Variants in RGS3 observed in about 807,000 individuals in gnomAD.
RGS3 encodes regulator of G protein signaling 3.
In RGS3, 80 loss-of-function variants were observed where a neutral mutation model predicts 132.6. The ratio of observed to expected loss-of-function variants is 0.60; its 90% CI spans 0.50 to 0.73. The LOEUF is 0.73. Among genes scored for constraint, RGS3 ranks in the 30% least tolerant of loss-of-function variants. The pLI is 0.00. For synonymous variants in RGS3, 598 were observed against 620.6 expected, an observed-to-expected ratio of 0.96 and a Z score of 0.54; for missense variants, 1,382 against 1,530.8, an observed-to-expected ratio of 0.90 and a Z score of 1.62.
chr9:113,474,001 GGAGTTTTATTTTA>G (rs1829916031), intron 3 of RGS3, among the ~76,000 whole-genome samples: 1 of 152,144 alleles, frequency 6.6e-6, no homozygotes, highest in Non-Finnish European at 1.5e-5. Flanking sequence ...AGTAGATTCA[GGAGTTTTATTTTA>G]CCAGCTTGCC....
At chr9:113,559,673 C>T (rs1256873946) in intron 19 of RGS3, among the ~76,000 whole-genome samples, 1 of 152,158 alleles carries the variant, frequency 6.6e-6, no homozygotes, top group Non-Finnish European at 1.5e-5. Context: ...GGCCTGGGAG[C>T]CATGCTGCCT....
intron 17 of RGS3, among the ~76,000 whole-genome samples, chr9:113,524,541 A>G (rs1470447521): frequency 1.3e-5 from 2 of 152,178 alleles, no homozygotes; most frequent in East Asian, 3.9e-4. Context: ...ACTGGCTACA[A>G]TTTGGGTGGA....
intron 18 of RGS3, among the ~76,000 whole-genome samples, chr9:113,533,415 G>A (rs1311202334): frequency 1.3e-5 from 2 of 152,096 alleles, no homozygotes; most frequent in African/African-American, 4.8e-5. Context: ...GTTTTTAGTA[G>A]AGACGGGGTT....
chr9:113,591,340 G>T lies in RGS3; in HGVS notation c.3023G>T (p.Gly1008Val). Residue 1008 changes from glycine (G) to valine (V), a missense_variant, in exon 21 of 25, where the codon GGG (glycine) becomes GTG (valine). Coordinates refer to ENST00000350696, the Ensembl canonical transcript of RGS3. This position sits in a 1 kb window ranked among gnomAD's most constrained non-coding sequence, Gnocchi z 4.4. ...TCTGTCTTCTCTCCGCAGATGAGCG[G>T]GGCTGACACCGTTGGGGATGATGAC... 1 of 1,613,602 alleles carries T rather than the reference G, an allele frequency of 6.2e-7. No individual in the cohort carries two copies. The highest frequency in any genetic ancestry group is 1.1e-5 in the South Asian group (1 of 91,078).
intron 15 of RGS3, among the ~76,000 whole-genome samples, chr9:113,515,369 C>T (rs1420871615): frequency 1.3e-5 from 2 of 152,012 alleles, no homozygotes; most frequent in Admixed American, 6.6e-5. Context: ...TGGTGGCTCA[C>T]GCCTGTAATC....
intron 20 of RGS3, among the ~76,000 whole-genome samples, chr9:113,590,765 C>T (rs1053223432): frequency 3.9e-5 from 6 of 152,138 alleles, no homozygotes; most frequent in Non-Finnish European, 5.9e-5. Flanking sequence ...TGCCCTGATC[C>T]TAAGATGGTA....
intron 20 of RGS3, among the ~76,000 whole-genome samples, chr9:113,590,304 A>C (rs1835349495): frequency 6.6e-6 from 1 of 152,046 alleles, no homozygotes; most frequent in Non-Finnish European, 1.5e-5. Flanking sequence ...AGCTAAATGA[A>C]GGTGTAATTC....
At chr9:113,536,613 T>C (rs1325604687) in intron 18 of RGS3, 183 bp from the exon 17 acceptor site, 1 of 1,440,664 alleles carries the variant, frequency 6.9e-7, no homozygotes, top group Non-Finnish European at 9.1e-7. Flanking sequence ...TTGAACCCAC[T>C]TCCCTGCGCC....
chr9:113,596,597 T>A (rs866053556), intron 24 of RGS3, among the ~76,000 whole-genome samples, 171 bp from the exon 23 acceptor site: 1 of 152,190 alleles, frequency 6.6e-6, no homozygotes. Flanking sequence ...AGGAAATGAC[T>A]GAGCCAGGAC....
At chr9:113,574,936 C>T (rs1233264639) in intron 19 of RGS3, among the ~76,000 whole-genome samples, 2 of 152,186 alleles carry the variant, frequency 1.3e-5, no homozygotes, top group Admixed American at 1.3e-4. Flanking sequence ...TCTCAACTCC[C>T]TGCTTTTCAG....
At chr9:113,496,142 G>A (rs992074327) in intron 8 of RGS3, among the ~76,000 whole-genome samples, 1 of 152,176 alleles carries the variant, frequency 6.6e-6, no homozygotes, top group Non-Finnish European at 1.5e-5. Context: ...AGATCCCTTG[G>A]GGCCCAGAGC....
At chr9:113,479,132 C>A in intron 3 of RGS3, 1 of 229,636 alleles carries the variant, frequency 4.4e-6, no homozygotes, top group South Asian at 9.8e-5. Context: ...CATTTTCACT[C>A]CTTCCAACAG....
chr9:113,541,335 G>C, intron 19 of RGS3: 1 of 1,613,346 alleles, frequency 6.2e-7, no homozygotes, highest in Non-Finnish European at 8.5e-7. Context: ...CCACCCTTTC[G>C]GCTCTCTCCA....
At chr9:113,541,616 C>T (rs1832905721) in intron 19 of RGS3, 1 of 1,257,242 alleles carries the variant, frequency 8.0e-7, no homozygotes, top group African/African-American at 1.5e-5. Context: ...GTGTGAGAGG[C>T]CTTGTGGGCA....
intron 16 of RGS3, among the ~76,000 whole-genome samples, chr9:113,518,359 A>G (rs1157407972): frequency 6.6e-6 from 1 of 152,216 alleles, no homozygotes; most frequent in Non-Finnish European, 1.5e-5. Context: ...GGTAGTGGAA[A>G]GATCAGGAAA....
intron 19 of RGS3, among the ~76,000 whole-genome samples, chr9:113,577,854 G>C (rs552028065): frequency 6.6e-6 from 1 of 152,224 alleles, no homozygotes; most frequent in Non-Finnish European, 1.5e-5. Flanking sequence ...TGTTTATCCT[G>C]TGTTTATGGC....
chr9:113,545,567 T>C (rs1833074902), intron 19 of RGS3, among the ~76,000 whole-genome samples: 1 of 152,164 alleles, frequency 6.6e-6, no homozygotes, highest in African/African-American at 2.4e-5. Flanking sequence ...TTGCTATTGT[T>C]TTTTTTAGCC....
chr9:113,530,302 G>A (rs886838179), intron 18 of RGS3, among the ~76,000 whole-genome samples: 1 of 152,246 alleles, frequency 6.6e-6, no homozygotes, highest in African/African-American at 2.4e-5. Context: ...TGAGAAGTTA[G>A]CTTTAGCGGA....
chr9:113,575,947 TGG>T lies in RGS3; in HGVS notation c.2038-7501_2038-7500del, dbSNP rs1834502611. 2.0e-5 allele frequency among the ~76,000 whole-genome samples: 3 copies of T among 152,074 alleles called. No homozygotes were observed. In the South Asian group the frequency reaches 6.2e-4, roughly 31 times the overall value. ...TATTAAAGTGCAGGTTCCGATCCAG[TGG>T]GTGTGAATTGAGGTTTACGAATGTG... On this transcript the variant is annotated intron_variant, in intron 19 of 24. Coordinates refer to ENST00000350696, the Ensembl canonical transcript of RGS3.
Sources: gnomAD v4.1 joint callset for allele counts (sites outside exome capture counted in the v4.1 genomes callset) on GRCh38, gnomAD v4.1.1 for gene constraint, Gnocchi (gnomAD v3.1) non-coding constraint, MANE v1.5 for transcripts, NCBI Gene and HGNC (gene_info 2026-07-23, HGNC 2026-07-21) for gene names.